The following DIAPH3 variants were observed in gnomAD, a reference collection of about 807,000 sequenced individuals.
DIAPH3 encodes the protein protein diaphanous homolog 3.
In DIAPH3, 117 loss-of-function variants were observed where a neutral mutation model predicts 144.3. The observed-to-expected ratio is 0.81, with a 90% CI of 0.70 to 0.95. The LOEUF (loss-of-function observed/expected upper bound fraction) is 0.95. Ranked by LOEUF, DIAPH3 falls within the 40% of genes least tolerant of loss-of-function variation. The probability of loss-of-function intolerance (pLI) is 0.00; values close to 1 mark genes in which losing one functional copy is unlikely to be tolerated. For missense variants in DIAPH3, 1,421 were observed against 1,412.7 expected (o/e 1.01, Z -0.09); for synonymous variants, 519 against 488.9 (o/e 1.06, Z -0.81).
intron 16 of DIAPH3, 139 bp downstream of exon 16, chr13:59,970,713 T>C (rs953649152): frequency 4.4e-5 from 32 of 735,114 alleles, no homozygotes; most frequent in Middle Eastern, 4.2e-4. Context: ...GTCACTTTGA[T>C]TAGTGACATT....
intron 19 of DIAPH3, among the ~76,000 whole-genome samples, chr13:59,914,728 T>G (rs749494674): frequency 2.0e-5 from 3 of 151,996 alleles, no homozygotes; most frequent in African/African-American, 7.3e-5. Flanking sequence ...AGCCATAGAG[T>G]ATGAGCAACC....
intron 25 of DIAPH3, among the ~76,000 whole-genome samples, chr13:59,776,894 A>G (rs981259711): frequency 2.6e-5 from 4 of 152,164 alleles, no homozygotes; most frequent in Admixed American, 6.5e-5. Context: ...GATTGGATGT[A>G]TAGGTATTAA....
intron 24 of DIAPH3, among the ~76,000 whole-genome samples, chr13:59,831,970 C>T (rs74663986): frequency 0.019 from 2,865 of 151,874 alleles, 71 homozygotes; most frequent in East Asian, 0.11. Flanking sequence ...AACTGAGGCT[C>T]AAGGTTAAAC....
At chr13:60,139,469 T>C (rs1221637004) in intron 1 of DIAPH3, among the ~76,000 whole-genome samples, 1 of 152,188 alleles carries the variant, frequency 6.6e-6, no homozygotes, top group Non-Finnish European at 1.5e-5. Context: ...TCTACTGTCA[T>C]GCACTCAAGT....
rs760556200 is a variant in DIAPH3 at position 59,971,028 on chromosome 13, G to A, written c.1783C>T (p.Pro595Ser). The A allele has an allele frequency of 6.2e-7, 1 of 1,613,588 alleles. No individual in the cohort carries two copies. Among genetic ancestry groups the A allele is most frequent in the Non-Finnish European group, 8.5e-7 (1 of 1,179,734 alleles). The change falls in exon 16 of 28, where the codon CCA (proline) becomes TCA (serine). Residue 595 changes from proline to serine, a missense_variant. Transcript: ENST00000400324. ...GGVPPPPPPP[P>S]PPPLPGMRMP... is the part of the protein sequence containing the mutation. ...CGCATTCCTGGAAGTGGAGGAGGTG[G>A]TGGGGGAGGAGGTGGAGGCGGCACC...
chr13:59,863,849 C>T (rs1593733102), intron 21 of DIAPH3, among the ~76,000 whole-genome samples: 3 of 152,252 alleles, frequency 2.0e-5, no homozygotes, highest in East Asian at 1.9e-4. Context: ...TAGTCACTAA[C>T]ATACGTGGAT....
chr13:59,895,105 T>C (rs963151512), intron 20 of DIAPH3, among the ~76,000 whole-genome samples: 10 of 152,168 alleles, frequency 6.6e-5, no homozygotes, highest in African/African-American at 2.4e-4. Context: ...TGCATAAATG[T>C]AAGTCAATAT....
At position 59,971,112 on chromosome 13, in the gene DIAPH3, CT is replaced by C; in HGVS notation, c.1698del (p.Glu567LysfsTer68). On this transcript the variant is annotated frameshift_variant, in exon 16 of 28. Transcript: ENST00000400324. LOFTEE classifies it high-confidence loss of function. ...ADCNIPLPPSKEGGTGHSALP... is the reference protein window; with the variant it reads ...ADCNIPLPPSXEGGTGHSALP... ...AGTGCTGAGTGGCCAGTTCCACCTT[CT>C]TTAGAGGGAGGCAAAGGAATATTAC... 6.2e-7 allele frequency: 1 copy of C among 1,607,264 alleles called. No individual in the cohort carries two copies. The highest frequency in any genetic ancestry group is 1.1e-5 in the South Asian group (1 of 90,352).
At chr13:59,987,624 T>A (rs952076772) in intron 12 of DIAPH3, among the ~76,000 whole-genome samples, 1 of 151,478 alleles carries the variant, frequency 6.6e-6, no homozygotes, top group Non-Finnish European at 1.5e-5. Flanking sequence ...TATTTCCTCT[T>A]GTAAAGCATA....
intron 19 of DIAPH3, 126 bp from the exon 20 acceptor site, chr13:59,911,962 C>T (rs746112564): frequency 2.0e-5 from 15 of 764,450 alleles, no homozygotes; most frequent in Non-Finnish European, 3.2e-5. Flanking sequence ...TAGGTAACCT[C>T]CCTCCTAATA....
chr13:60,083,024 T>A (rs2137819563), intron 4 of DIAPH3, among the ~76,000 whole-genome samples: 1 of 152,134 alleles, frequency 6.6e-6, no homozygotes, highest in East Asian at 1.9e-4. Flanking sequence ...TCCTTGGCCC[T>A]CAGCTTGTAA....
At chr13:60,147,102 A>G (rs948282421) in intron 1 of DIAPH3, among the ~76,000 whole-genome samples, 1 of 152,238 alleles carries the variant, frequency 6.6e-6, no homozygotes, top group Non-Finnish European at 1.5e-5. Context: ...CCTGACTCAC[A>G]GGTGAAGCCT....
At chr13:60,039,326 T>G (rs2055461962) in intron 5 of DIAPH3, among the ~76,000 whole-genome samples, 1 of 150,570 alleles carries the variant, frequency 6.6e-6, no homozygotes, top group East Asian at 1.9e-4. Flanking sequence ...TTTTTTGAGA[T>G]AGAGTCTCAC....
At chr13:59,705,877 A>C (rs1374142018) in intron 27 of DIAPH3, among the ~76,000 whole-genome samples, 1 of 152,056 alleles carries the variant, frequency 6.6e-6, no homozygotes, top group Admixed American at 6.6e-5. Context: ...GATATTACTA[A>C]GCAGGTTTTT....
At chr13:59,739,655 TAGAG>T (rs1233778992) in intron 27 of DIAPH3, among the ~76,000 whole-genome samples, 1 of 152,126 alleles carries the variant, frequency 6.6e-6, no homozygotes, top group African/African-American at 2.4e-5. Context: ...AACTGAGACA[TAGAG>T]AGATTAAACA....
chr13:59,800,615 C>A (rs560574840), intron 25 of DIAPH3, among the ~76,000 whole-genome samples: 1 of 152,190 alleles, frequency 6.6e-6, no homozygotes, highest in Non-Finnish European at 1.5e-5. Context: ...TTTCCTCAGA[C>A]TGCAATGCTA....
chr13:60,088,332 C>T (rs891594807), intron 4 of DIAPH3, among the ~76,000 whole-genome samples: 2 of 152,112 alleles, frequency 1.3e-5, no homozygotes, highest in Non-Finnish European at 2.9e-5. Flanking sequence ...TCCCAGAAAC[C>T]CCACCTCCCC....
In DIAPH3 at chr13:59,800,053, TG is replaced by T. The variant is rs1322792790; in HGVS notation, c.3163+10734del. On this transcript the variant is annotated intron_variant, in intron 25 of 27. Coordinates refer to ENST00000400324, the MANE Select transcript of DIAPH3 (RefSeq NM_001042517.2). ...AGTTTCTAGGAGGAATACACCAAAT[TG>T]TCAAAACTTCTGTTTCAGAATCAGC... is the stretch of plus-strand genomic sequence containing the variant. Among the ~76,000 whole-genome samples the T allele has an allele frequency of 4.6e-5, 7 of 152,228 alleles. No individual in the cohort carries two copies. The South Asian group carries it at 8.3e-4, about 18-fold the overall frequency.
At chr13:60,148,446 T>C (rs1262890984) in intron 1 of DIAPH3, among the ~76,000 whole-genome samples, 1 of 152,206 alleles carries the variant, frequency 6.6e-6, no homozygotes, top group Non-Finnish European at 1.5e-5. Context: ...AAGCCACATA[T>C]AGCTAGTGAC....
Sources: gnomAD v4.1 joint callset for allele counts (sites outside exome capture counted in the v4.1 genomes callset) on GRCh38, gnomAD v4.1.1 for gene constraint, MANE v1.5 for transcripts, NCBI Gene and HGNC (gene_info 2026-07-23, HGNC 2026-07-21) for gene names.